GSG1L: variants seen among roughly 807,000 people sequenced by gnomAD.
The protein encoded by GSG1L is germ cell-specific gene 1-like protein.
Under a neutral mutation model 42.1 loss-of-function variants are expected in GSG1L, and 24 were observed. The observed-to-expected ratio is 0.57, with a 90% CI of 0.41 to 0.80. The LOEUF (loss-of-function observed/expected upper bound fraction) is 0.80. Ranked by LOEUF, GSG1L falls within the 30% of genes least tolerant of loss-of-function variation. The pLI, the probability that GSG1L is intolerant of heterozygous loss-of-function variation, is 0.00. For synonymous variants in GSG1L, 215 were observed against 203.5 expected (o/e 1.06, Z -0.48); for missense variants, 445 against 472.2 (o/e 0.94, Z 0.53).
At chr16:27,818,831 T>C (rs1185722744) in intron 5 of GSG1L, among the ~76,000 whole-genome samples, 1 of 152,096 alleles carries the variant, frequency 6.6e-6, no homozygotes, top group Non-Finnish European at 1.5e-5. Flanking sequence ...GTAAATATCA[T>C]CATGATATAA....
intron 2 of GSG1L, among the ~76,000 whole-genome samples, chr16:27,915,076 G>A (rs1327592466): frequency 6.6e-6 from 1 of 152,026 alleles, no homozygotes; most frequent in Non-Finnish European, 1.5e-5. Context: ...CTTAACCGTA[G>A]ATATCACTAA....
In GSG1L at chr16:27,973,495, G is replaced by A. The variant is rs143756710; in HGVS notation, c.350-10292C>T. ...AGTGTGTGCTTAGGAGATGGCTTTC[G>A]TTGTCATCACTGTCACCTACATGCG... On this transcript the variant is annotated intron_variant, in intron 1 of 6. Transcript: ENST00000447459. Among the ~76,000 whole-genome samples the A allele has an allele frequency of 5.0e-3, 698 of 139,768 alleles. 8 individuals are homozygous for A. The highest frequency in any genetic ancestry group is 0.018 in the African/African-American group (668 of 37,394). 91.7% of individuals were successfully genotyped at this position (139,768 alleles called of 152,430 possible).
At chr16:27,976,026 G>A (rs2085246595) in intron 1 of GSG1L, among the ~76,000 whole-genome samples, 1 of 152,204 alleles carries the variant, frequency 6.6e-6, no homozygotes, top group African/African-American at 2.4e-5. Flanking sequence ...TGTAATCTCA[G>A]CACTTTTGGA....
At chr16:27,937,330 T>C (rs1164302506) in intron 2 of GSG1L, among the ~76,000 whole-genome samples, 3 of 149,888 alleles carry the variant, frequency 2.0e-5, no homozygotes, top group African/African-American at 7.4e-5. Context: ...CCAACCTCCA[T>C]CTCCAGGTTC....
chr16:28,062,890 T>C (rs1280082298), intron 1 of GSG1L, among the ~76,000 whole-genome samples, 186 bp downstream of exon 1: 1 of 151,848 alleles, frequency 6.6e-6, no homozygotes, highest in Non-Finnish European at 1.5e-5. Context: ...CGTCCCCCCA[T>C]GCTGGTCCCC....
At chr16:28,029,962 C>T (rs1274297064) in intron 1 of GSG1L, among the ~76,000 whole-genome samples, 1 of 152,072 alleles carries the variant, frequency 6.6e-6, no homozygotes, top group African/African-American at 2.4e-5. Flanking sequence ...CATGCCAGCT[C>T]GTGGGATGAA....
At chr16:27,846,679 G>T (rs968721413) in intron 3 of GSG1L, among the ~76,000 whole-genome samples, 4 of 152,148 alleles carry the variant, frequency 2.6e-5, no homozygotes, top group Non-Finnish European at 5.9e-5. Flanking sequence ...CCCTGGCCGG[G>T]CACGGTGGCT....
intron 2 of GSG1L, among the ~76,000 whole-genome samples, chr16:27,910,792 T>C (rs1245173145): frequency 1.3e-5 from 2 of 152,160 alleles, no homozygotes; most frequent in Admixed American, 6.5e-5. Flanking sequence ...GGCAGCAGGA[T>C]TGCTTGAGCC....
chr16:27,892,394 T>C (rs1326751177), intron 2 of GSG1L, among the ~76,000 whole-genome samples: 3 of 152,106 alleles, frequency 2.0e-5, no homozygotes, highest in African/African-American at 7.2e-5. Context: ...AGGTTGCGGC[T>C]GCAATTAGCT....
intron 2 of GSG1L, among the ~76,000 whole-genome samples, chr16:27,913,630 T>C (rs1432295281): frequency 1.3e-5 from 2 of 152,196 alleles, no homozygotes; most frequent in East Asian, 1.9e-4. Context: ...TAAAGTTTTA[T>C]TGGACCACAA....
intron 1 of GSG1L, among the ~76,000 whole-genome samples, chr16:27,979,648 A>G (rs1342177300): frequency 3.1e-5 from 2 of 65,092 alleles, no homozygotes; most frequent in Non-Finnish European, 6.1e-5. Context: ...GAGGGGAAAG[A>G]AAGAAAGAAA....
intron 3 of GSG1L, among the ~76,000 whole-genome samples, chr16:27,865,000 G>A (rs2083697097): frequency 6.6e-6 from 1 of 152,210 alleles, no homozygotes; most frequent in African/African-American, 2.4e-5. Context: ...ACAAGGCTCA[G>A]GGTTTGGTTT....
At chr16:27,915,873 G>A (rs901469945) in intron 2 of GSG1L, among the ~76,000 whole-genome samples, 1 of 152,194 alleles carries the variant, frequency 6.6e-6, no homozygotes, top group African/African-American at 2.4e-5. Flanking sequence ...CAGACAACCT[G>A]GGTTTAAATT....
At chr16:27,985,442 C>T (rs185299106) in intron 1 of GSG1L, among the ~76,000 whole-genome samples, 8 of 152,168 alleles carry the variant, frequency 5.3e-5, no homozygotes, top group Non-Finnish European at 1.0e-4. Flanking sequence ...CTTCACCATC[C>T]GCCATGATTG....
intron 2 of GSG1L, among the ~76,000 whole-genome samples, chr16:27,960,273 C>T (rs1555510940): frequency 6.8e-6 from 1 of 146,962 alleles, no homozygotes; most frequent in Non-Finnish European, 1.6e-5. Context: ...GGTTCAAATC[C>T]CAGTTCCCCC....
rs7188659 is a variant in GSG1L, at chr16:27,913,275, C to T, written c.398-28637G>A. Among the ~76,000 whole-genome samples the T allele has an allele frequency of 3.8e-3, 572 of 152,166 alleles. 4 individuals are homozygous for T. The highest frequency in any genetic ancestry group is 0.013 in the African/African-American group (542 of 41,510). The stretch of plus-strand genomic sequence containing the variant: ...AGTGTATTTAATGATACTAACTTGT[C>T]GCGAAACTGAACAAATGCAAGGGAA... On this transcript the variant is annotated intron_variant, in intron 2 of 6. Coordinates refer to ENST00000447459, the MANE Select transcript of GSG1L (RefSeq NM_001109763.2).
intron 2 of GSG1L, among the ~76,000 whole-genome samples, chr16:27,885,532 C>T (rs987685766): frequency 1.3e-5 from 2 of 152,136 alleles, no homozygotes; most frequent in African/African-American, 2.4e-5. Context: ...GCCCTGTATC[C>T]TACCCCACAT....
intron 1 of GSG1L, among the ~76,000 whole-genome samples, chr16:28,015,850 TG>T (rs1478359100): frequency 6.6e-6 from 1 of 152,234 alleles, no homozygotes; most frequent in African/African-American, 2.4e-5. Context: ...TGGCCGGATT[TG>T]TGGTTTCAAG....
chr16:27,833,813 A>C (rs1395867699), intron 4 of GSG1L, among the ~76,000 whole-genome samples: 2 of 152,166 alleles, frequency 1.3e-5, no homozygotes, highest in Admixed American at 1.3e-4. Flanking sequence ...CACTAAACTT[A>C]TTTATTAGGT....
Sources: gnomAD v4.1 joint callset for allele counts (sites outside exome capture counted in the v4.1 genomes callset) on GRCh38, gnomAD v4.1.1 for gene constraint, MANE v1.5 for transcripts, NCBI Gene and HGNC (gene_info 2026-07-23, HGNC 2026-07-21) for gene names.